Variants in BECN1 observed in about 807,000 individuals in gnomAD.
BECN1 encodes beclin 1, also known as beclin-1.
In BECN1, 15 loss-of-function variants were observed where a neutral mutation model predicts 60.1. That is an observed-to-expected ratio of 0.25 (90% confidence interval 0.17 to 0.38). BECN1 has a LOEUF of 0.38. BECN1 is among the 10% of genes least tolerant of loss of function. The probability of loss-of-function intolerance (pLI) is 1.00; values close to 1 mark genes in which losing one functional copy is unlikely to be tolerated. For synonymous variants in BECN1, 179 were observed against 201.8 expected (o/e 0.89, Z 0.96); for missense variants, 424 against 548.2 (o/e 0.77, Z 2.26).
intron 2 of BECN1, 121 bp downstream of exon 2, chr17:42,823,627 G>A (rs759279568): frequency 7.4e-7 from 1 of 1,358,466 alleles, no homozygotes; most frequent in East Asian, 2.4e-5. Flanking sequence ...CAGATGAAGT[G>A]ACTTTCCTAG....
intron 11 of BECN1, chr17:42,811,325 G>C: frequency 3.5e-6 from 1 of 287,916 alleles, no homozygotes; most frequent in Admixed American, 5.1e-5. Context: ...ATCCATCAAT[G>C]GGATCCTAGA....
chr17:42,813,148 G>C lies in BECN1; in HGVS notation c.1041+800C>G, dbSNP rs60914828. 5.9e-3 allele frequency among the ~76,000 whole-genome samples: 890 copies of C among 151,362 alleles called. 36 individuals carry two copies. In the South Asian group the frequency reaches 0.1, roughly 17 times the overall value. ...CGTGAGCCACTGCACCCGGCCCTTT[G>C]CTTTCTGATGATTCAATGTATACAA... On this transcript the variant is annotated intron_variant, in intron 10 of 11. Transcript: ENST00000590099.
chr17:42,819,373 A>G, intron 4 of BECN1, 175 bp downstream of exon 4: 1 of 638,946 alleles, frequency 1.6e-6, no homozygotes, highest in African/African-American at 1.8e-5. Context: ...GCTACAGGAA[A>G]AAATCCATAC....
intron 2 of BECN1, among the ~76,000 whole-genome samples, chr17:42,822,119 C>G (rs1242610421): frequency 6.6e-6 from 1 of 152,154 alleles, no homozygotes; most frequent in Non-Finnish European, 1.5e-5. Flanking sequence ...AGGACAATCA[C>G]TTGAACCCGG....
chr17:42,824,143 G>A lies in BECN1; in HGVS notation c.-3+12C>T, dbSNP rs1196550157. On this transcript the variant is annotated intron_variant, in intron 1 of 11. Transcript: ENST00000590099. ...CTTCTAAGGTCCCACCTCAGCCCCC[G>A]ATGCTCTTCACCTCGGGAGCCCGGA... 6.6e-6 allele frequency: 3 copies of A among 453,248 alleles called. No homozygotes were observed. The highest frequency in any genetic ancestry group is 2.0e-5 in the African/African-American group (1 of 49,984). 28.1% of individuals were successfully genotyped at this position (453,248 alleles called of 1,614,324 possible).
chr17:42,813,951 A>G lies in BECN1; in HGVS notation c.1038T>C (p.Ser346=), dbSNP rs1488123153. The stretch of plus-strand genomic sequence containing the variant: ...AAAATGGAGCTTCACAGAGTACCTT[A>G]GATTTGTCTGTCAGAGACTCCAGAT... ...HSYLESLTDK[S]KELPLYCSGG... Residue 346 remains serine (S), a synonymous_variant, in exon 10 of 12, where the codon TCT becomes TCC. Coordinates refer to ENST00000590099, the MANE Select transcript of BECN1 (RefSeq NM_001313998.2). 6.3e-7 allele frequency: 1 copy of G among 1,593,162 alleles called. No individual in the cohort carries two copies. The highest frequency in any genetic ancestry group is 8.6e-7 in the Non-Finnish European group (1 of 1,164,634).
intron 2 of BECN1, among the ~76,000 whole-genome samples, chr17:42,823,259 A>G (rs929623846): frequency 1.2e-4 from 18 of 152,236 alleles, no homozygotes; most frequent in Admixed American, 1.2e-3. Flanking sequence ...TGCTACTGAA[A>G]GCTCTCTTTT....
chr17:42,811,837 A>C (rs2144147986), intron 10 of BECN1, 40 bp from the exon 11 acceptor site: 3 of 1,595,144 alleles, frequency 1.9e-6, no homozygotes, highest in Non-Finnish European at 2.6e-6. Flanking sequence ...TCTGGCACCA[A>C]GAAAGGCTTC....
chr17:42,818,640 T>C lies in BECN1; in HGVS notation c.392A>G (p.Asp131Gly), dbSNP rs575137307. Residue 131 changes from aspartate to glycine, a missense_variant, in exon 6 of 12, where the codon GAT becomes GGT. Physicochemically the swap from Asp to Gly is moderately conservative, Grantham distance 94 (BLOSUM62 -1). This residue lies in a region of BECN1 where 326 missense variants were observed against 406.2 expected (regional missense o/e 0.80). Transcript: ENST00000590099. The part of the protein sequence containing the change: ...DLFDIMSGQT[D>G]VDHPLCEECT... ...TTCCTCACAGAGTGGGTGATCCACA[T>C]CTGTCTGGCCCGACATGATGTCAAA... The C allele has an allele frequency of 6.2e-7, 1 of 1,614,214 alleles. No homozygotes were observed. Among genetic ancestry groups the C allele is most frequent in the African/African-American group, 1.3e-5 (1 of 75,050 alleles).
chr17:42,821,257 C>G (rs2055258444), intron 2 of BECN1, among the ~76,000 whole-genome samples: 1 of 152,118 alleles, frequency 6.6e-6, no homozygotes, highest in Non-Finnish European at 1.5e-5. Context: ...GACAGGGTTT[C>G]ACCATGTTGG....
In BECN1 at chr17:42,818,413, C is replaced by T. The variant is rs367567072; in HGVS notation, c.491G>A (p.Arg164His). 20 of 1,613,988 alleles carry T rather than the reference C, an allele frequency of 1.2e-5. No individual in the cohort carries two copies. The highest frequency in any genetic ancestry group is 2.2e-5 in the South Asian group (2 of 91,074). Reference sequence around the variant, plus strand: ...CATTTGCTCTAAGATCTCCAAACAGCGTCTGCCAAAGACACAGGCAGACTA... The same window carrying T: ...CATTTGCTCTAAGATCTCCAAACAGTGTCTGCCAAAGACACAGGCAGACTA... Reference protein sequence around the residue: ...VTENECQNYKRCLEILEQMNE... With the variant: ...VTENECQNYKHCLEILEQMNE... Residue 164 changes from arginine (R) to histidine (H), a missense_variant and splice_region_variant, in exon 7 of 12, where the codon CGC becomes CAC. Physicochemically the swap from Arg to His is conservative, Grantham distance 29 (BLOSUM62 0). Coordinates refer to ENST00000590099, the MANE Select transcript of BECN1 (RefSeq NM_001313998.2).
At position 42,810,788 on chromosome 17, in the gene BECN1, C is replaced by G; in HGVS notation, c.1325G>C (p.Trp442Ser). Reference protein sequence around the residue: ...MLTNLKWGLAWVSSQFYNK With the variant: ...MLTNLKWGLASVSSQFYNK ...TTTGTTATAAAATTGTGAGGACACCCAAGCAAGACCCCACTTAAGATTCGT... is the reference window on the plus strand; with the variant it reads ...TTTGTTATAAAATTGTGAGGACACCGAAGCAAGACCCCACTTAAGATTCGT... Residue 442 changes from tryptophan to serine, a missense_variant, in exon 12 of 12, where the codon TGG becomes TCG. Transcript: ENST00000590099. 6.2e-7 allele frequency: 1 copy of G among 1,612,106 alleles called. No individual in the cohort carries two copies. The highest frequency in any genetic ancestry group is 8.5e-7 in the Non-Finnish European group (1 of 1,179,116).
chr17:42,810,607 G>A lies in BECN1; in HGVS notation c.*153C>T. On this transcript the variant is annotated 3_prime_UTR_variant, in exon 12 of 12. Transcript: ENST00000590099. ...TAGCTCTGGAAAGTATCTGTCACAT[G>A]ATATTTTAAAATAAAGTGGCTTTTG... 1.3e-6 allele frequency: 1 copy of A among 771,208 alleles called. No individual in the cohort carries two copies. Among genetic ancestry groups the A allele is most frequent in the South Asian group, 2.7e-5 (1 of 36,942 alleles). The allele number at this position is 771,208 out of a possible 1,614,324, so 47.8% of individuals were successfully genotyped here.
intron 2 of BECN1, among the ~76,000 whole-genome samples, chr17:42,822,574 T>C (rs924063438): frequency 1.3e-5 from 2 of 152,192 alleles, no homozygotes; most frequent in Non-Finnish European, 2.9e-5. Flanking sequence ...TTTTTTATTT[T>C]TTTTAATTAT....
At chr17:42,818,200 T>A in intron 7 of BECN1, 21 bp downstream of exon 7, 1 of 1,611,244 alleles carries the variant, frequency 6.2e-7, no homozygotes, top group East Asian at 2.2e-5. Context: ...TGTGAGAAGA[T>A]AGAACAGGGT....
At position 42,818,222 on chromosome 17, in the gene BECN1, G is replaced by A. The variant is rs1490494506; in HGVS notation, c.682C>T (p.Gln228Ter). 6.2e-7 allele frequency: 1 copy of A among 1,613,812 alleles called. No homozygotes were observed. Among genetic ancestry groups the A allele is most frequent in the Non-Finnish European group, 8.5e-7 (1 of 1,179,886 alleles). ...EAERLDQEEA[Q>*]YQREYSEFKR... Reference sequence around the variant, plus strand: ...AGATAGAACAGGGTGAGCACTCACTGAGCTTCCTCCTGATCCAGTCTCTCA... The same window carrying A: ...AGATAGAACAGGGTGAGCACTCACTAAGCTTCCTCCTGATCCAGTCTCTCA... Residue 228 changes from glutamine (Q) to a stop codon, truncating the protein, a stop_gained and splice_region_variant, in exon 7 of 12, where the codon CAG becomes TAG. Transcript: ENST00000590099. LOFTEE classifies it high-confidence loss of function.
chr17:42,817,256 C>T (rs932942854), intron 7 of BECN1, among the ~76,000 whole-genome samples: 16 of 151,434 alleles, frequency 1.1e-4, no homozygotes, highest in Admixed American at 4.6e-4. Flanking sequence ...GACTGCACCA[C>T]TGCACTCCAG....
chr17:42,814,717 T>C, intron 8 of BECN1, 44 bp from the exon 9 acceptor site: 1 of 1,609,816 alleles, frequency 6.2e-7, no homozygotes, highest in South Asian at 1.1e-5. Context: ...CAGGGATTAC[T>C]TAAAAAGTTT....
intron 9 of BECN1, 188 bp downstream of exon 9, chr17:42,814,336 G>C (rs761005945): frequency 4.2e-6 from 3 of 715,426 alleles, no homozygotes; most frequent in East Asian, 2.7e-5. Context: ...ACGCAACTCA[G>C]TGACTGTGTG....
Sources: allele counts gnomAD v4.1 joint callset (sites outside exome capture counted in the v4.1 genomes callset), GRCh38; gene constraint gnomAD v4.1.1; regional missense constraint gnomAD v4.1.1; transcripts MANE v1.5; gene names NCBI Gene and HGNC (gene_info 2026-07-23, HGNC 2026-07-21).